The following TTLL11 variants were observed in gnomAD, a reference collection of about 807,000 sequenced individuals.
TTLL11 encodes the protein tubulin polyglutamylase TTLL11.
Under a neutral mutation model 51.7 loss-of-function variants are expected in TTLL11, and 42 were observed. The ratio of observed to expected loss-of-function variants is 0.81; its 90% CI spans 0.64 to 1.05. TTLL11 has a LOEUF of 1.05. Among genes scored for constraint, TTLL11 ranks in the 50% least tolerant of loss-of-function variants. The probability of loss-of-function intolerance (pLI) is 0.00; values close to 1 mark genes in which losing one functional copy is unlikely to be tolerated. For synonymous variants in TTLL11, 381 were observed against 383.5 expected, an observed-to-expected ratio of 0.99 and a Z score of 0.08; for missense variants, 799 against 940.4, an observed-to-expected ratio of 0.85 and a Z score of 1.97.
chr9:121,900,371 TG>T (rs1263796706), intron 6 of TTLL11, among the ~76,000 whole-genome samples: 3 of 152,376 alleles, frequency 2.0e-5, no homozygotes, highest in Admixed American at 2.0e-4. Flanking sequence ...TACCACTGTG[TG>T]TTAGCACATA....
chr9:121,989,901 GC>G lies in TTLL11; in HGVS notation c.694-132del. 2 of 1,482,636 alleles carry G rather than the reference GC, an allele frequency of 1.3e-6. No individual in the cohort carries two copies. Among genetic ancestry groups the G allele is most frequent in the Non-Finnish European group, 1.8e-6 (2 of 1,125,028 alleles). 91.8% of individuals were successfully genotyped at this position (1,482,636 alleles called of 1,614,324 possible). Reference sequence around the variant, plus strand: ...CCCTGCCGATCTGAGCAGGGGCTGAGCATCTTCCATGGAGATGACACTGCAC... The same window carrying G: ...CCCTGCCGATCTGAGCAGGGGCTGAGATCTTCCATGGAGATGACACTGCAC... On this transcript the variant is annotated intron_variant, in intron 3 of 8. Coordinates refer to ENST00000321582, the MANE Select transcript of TTLL11 (RefSeq NM_001139442.2). This position sits in a 1 kb window ranked among gnomAD's most constrained non-coding sequence, Gnocchi z 4.2.
At chr9:121,834,950 G>A (rs147183289) in intron 8 of TTLL11, among the ~76,000 whole-genome samples, 21 of 152,222 alleles carry the variant, frequency 1.4e-4, no homozygotes, top group African/African-American at 5.1e-4. Context: ...TCCTACTGAA[G>A]TTGGCCAATT....
intron 3 of TTLL11, among the ~76,000 whole-genome samples, chr9:122,024,220 G>C (rs915618417): frequency 1.3e-5 from 2 of 152,062 alleles, no homozygotes; most frequent in Admixed American, 1.3e-4. Context: ...GAAATCATAA[G>C]GGAAAATTGT....
chr9:122,022,418 A>G (rs1844209175), intron 3 of TTLL11, among the ~76,000 whole-genome samples: 1 of 152,048 alleles, frequency 6.6e-6, no homozygotes. Context: ...AAGAAGATCA[A>G]AAATAAGGAA....
intron 3 of TTLL11, among the ~76,000 whole-genome samples, chr9:122,018,325 G>C (rs1844056395): frequency 6.6e-6 from 1 of 152,014 alleles, no homozygotes; most frequent in South Asian, 2.1e-4. Flanking sequence ...TGTTAGCTAG[G>C]GTGGTCTCAA....
At chr9:122,022,206 A>T (rs990616463) in intron 3 of TTLL11, among the ~76,000 whole-genome samples, 6 of 152,296 alleles carry the variant, frequency 3.9e-5, no homozygotes, top group South Asian at 2.1e-4. Context: ...ATAGAAAAAA[A>T]ATCTGAAGAA....
intron 6 of TTLL11, among the ~76,000 whole-genome samples, chr9:121,943,291 C>T (rs981942671): frequency 1.3e-4 from 20 of 152,170 alleles, no homozygotes; most frequent in Admixed American, 1.3e-4. Context: ...ATCTTTTTCT[C>T]CCTTCTCAGA....
intron 6 of TTLL11, among the ~76,000 whole-genome samples, chr9:121,928,242 T>A (rs560702054): frequency 1.3e-5 from 2 of 152,266 alleles, no homozygotes; most frequent in South Asian, 4.1e-4. Context: ...TGATGTCACT[T>A]CTATTTGTTC....
chr9:121,913,969 T>G (rs1419523258), intron 6 of TTLL11, among the ~76,000 whole-genome samples: 1 of 152,204 alleles, frequency 6.6e-6, no homozygotes, highest in Admixed American at 6.5e-5. Flanking sequence ...TATCACTATC[T>G]CGTTTAACTC....
chr9:121,967,602 T>G (rs58980675), intron 6 of TTLL11, among the ~76,000 whole-genome samples: 23,654 of 151,836 alleles, frequency 0.16, 2,564 homozygotes, highest in African/African-American at 0.31. Context: ...AAATGAGGAG[T>G]CTGGATAAAA....
intron 1 of TTLL11, among the ~76,000 whole-genome samples, chr9:122,076,308 C>T (rs1395502017): frequency 1.3e-5 from 2 of 152,160 alleles, no homozygotes; most frequent in African/African-American, 4.8e-5. Context: ...TACATGTTGG[C>T]AGTGGTCTGG....
chr9:121,991,901 C>A (rs1220859894), intron 3 of TTLL11, among the ~76,000 whole-genome samples: 1 of 152,176 alleles, frequency 6.6e-6, no homozygotes, highest in Non-Finnish European at 1.5e-5. Context: ...TTGGGTCCCA[C>A]AACTGGCTGG....
At chr9:121,850,066 TTTTA>T (rs139494455) in intron 8 of TTLL11, among the ~76,000 whole-genome samples, 93,892 of 151,116 alleles carry the variant, frequency 0.62, 29,328 homozygotes, top group East Asian at 0.77. Flanking sequence ...TTATATTATT[TTTTA>T]TTTTTCTTAA....
intron 6 of TTLL11, among the ~76,000 whole-genome samples, chr9:121,896,340 T>G (rs1170959234): frequency 6.6e-6 from 1 of 152,182 alleles, no homozygotes; most frequent in Non-Finnish European, 1.5e-5. Flanking sequence ...TTCCCAACTG[T>G]GGGCCAGGAA....
intron 8 of TTLL11, among the ~76,000 whole-genome samples, chr9:121,850,019 T>A (rs1348423300): frequency 1.3e-5 from 2 of 152,214 alleles, no homozygotes; most frequent in African/African-American, 4.8e-5. Context: ...GTTATGTAAC[T>A]GTTACACTGT....
Position 122,093,185 on chromosome 9 carries a change from C to A in TTLL11, c.-37G>T. Reference sequence around the variant, plus strand: ...CCGGGGCCAGTGCCAGTGCCACCGCCGCCGCCGCCGCCGCTCCGCCGCCCC... The same window carrying A: ...CCGGGGCCAGTGCCAGTGCCACCGCAGCCGCCGCCGCCGCTCCGCCGCCCC... On this transcript the variant is annotated 5_prime_UTR_variant, in exon 1 of 9. Coordinates refer to ENST00000321582, the MANE Select transcript of TTLL11 (RefSeq NM_001139442.2). 6.7e-7 allele frequency: 1 copy of A among 1,484,272 alleles called. No homozygotes were observed. The highest frequency in any genetic ancestry group is 8.9e-7 in the Non-Finnish European group (1 of 1,126,116). The allele number at this position is 1,484,272 out of a possible 1,614,324, so 91.9% of individuals were successfully genotyped here. A position where few individuals can be genotyped will look rare whatever the true frequency, so the allele number is the denominator to read the frequency against.
Position 121,853,465 on chromosome 9 carries a change from G to A in TTLL11, c.1840+6872C>T, listed in dbSNP as rs1468392947. ...TGAGCAAGGAGAGGGGGTTCCTGCA[G>A]AGGTGGGGGCCTGAGGGGGCCGGCC... On this transcript the variant is annotated intron_variant, in intron 8 of 8. Transcript: ENST00000321582. The surrounding 1 kb of genome is among the most constrained non-coding windows in gnomAD (Gnocchi z 5.6). Among the ~76,000 whole-genome samples the A allele has an allele frequency of 6.6e-6, 1 of 150,912 alleles. No homozygotes were observed. Among genetic ancestry groups the A allele is most frequent in the Non-Finnish European group, 1.5e-5 (1 of 67,600 alleles).
intron 7 of TTLL11, among the ~76,000 whole-genome samples, chr9:121,868,839 T>C (rs1424506485): frequency 1.3e-5 from 2 of 152,238 alleles, no homozygotes; most frequent in African/African-American, 4.8e-5. Context: ...ATTGATTTTT[T>C]TGAAAATTCC....
At chr9:122,075,808 C>A (rs375431067) in intron 1 of TTLL11, among the ~76,000 whole-genome samples, 27 of 152,124 alleles carry the variant, frequency 1.8e-4, no homozygotes, top group African/African-American at 6.5e-4. Context: ...AAACCTAAGG[C>A]TTTTGGGCTT....
Sources: allele counts gnomAD v4.1 joint callset (sites outside exome capture counted in the v4.1 genomes callset), GRCh38; gene constraint gnomAD v4.1.1; non-coding constraint Gnocchi (gnomAD v3.1); transcripts MANE v1.5; gene names NCBI Gene and HGNC (gene_info 2026-07-23, HGNC 2026-07-21).